Variants in IGF1R observed in about 807,000 individuals in gnomAD.
IGF1R encodes the protein insulin like growth factor 1 receptor, also known as insulin-like growth factor 1 receptor.
IGF1R carries 44 observed loss-of-function variants against 144.6 expected under a neutral mutation model. The ratio of observed to expected loss-of-function variants is 0.30; its 90% CI spans 0.24 to 0.39. The LOEUF (loss-of-function observed/expected upper bound fraction) is 0.39, where lower values mean the gene tolerates loss of function less well. Ranked by LOEUF, IGF1R falls within the 10% of genes least tolerant of loss-of-function variation. The pLI is 1.00. For synonymous variants in IGF1R, 795 were observed against 722.8 expected, an observed-to-expected ratio of 1.10 and a Z score of -1.60; for missense variants, 1,355 against 1,833.7, an observed-to-expected ratio of 0.74 and a Z score of 4.77.
intron 18 of IGF1R, among the ~76,000 whole-genome samples, chr15:98,939,660 T>G (rs988810070): frequency 6.6e-6 from 1 of 152,244 alleles, no homozygotes; most frequent in African/African-American, 2.4e-5. Flanking sequence ...CAGAAATAAT[T>G]AAGACAATGT....
At chr15:98,897,711 G>A (rs1423306841) in intron 4 of IGF1R, among the ~76,000 whole-genome samples, 3 of 152,134 alleles carry the variant, frequency 2.0e-5, no homozygotes, top group Admixed American at 6.5e-5. Context: ...ACGTTGCTGG[G>A]ACCACAGGCA....
At chr15:98,940,016 G>C (rs1010471030) in intron 18 of IGF1R, among the ~76,000 whole-genome samples, 1 of 151,996 alleles carries the variant, frequency 6.6e-6, no homozygotes, top group African/African-American at 2.4e-5. Flanking sequence ...TGTCACACCA[G>C]AAAAAAGGGT....
chr15:98,677,833 TG>T (rs1274413604), intron 1 of IGF1R, among the ~76,000 whole-genome samples: 2 of 152,036 alleles, frequency 1.3e-5, no homozygotes, highest in African/African-American at 2.4e-5. Flanking sequence ...GGCTAGAAGG[TG>T]GGAGATGAAT....
chr15:98,659,318 C>T (rs578174707), intron 1 of IGF1R, among the ~76,000 whole-genome samples: 1 of 152,190 alleles, frequency 6.6e-6, no homozygotes, highest in South Asian at 2.1e-4. Flanking sequence ...CACTTTCTCC[C>T]TTAATATTGT....
chr15:98,815,378 GT>G (rs1208072188), intron 2 of IGF1R, among the ~76,000 whole-genome samples: 1 of 152,234 alleles, frequency 6.6e-6, no homozygotes, highest in African/African-American at 2.4e-5. Flanking sequence ...CAGTGAAGTT[GT>G]TGAAGAAGTG....
Position 98,907,266 on chromosome 15 carries a change from A to G in IGF1R, c.1248-1419A>G, listed in dbSNP as rs138629445. Among the ~76,000 whole-genome samples the G allele has an allele frequency of 2.8e-3, 432 of 152,286 alleles. 4 individuals are homozygous for G. Among genetic ancestry groups the G allele is most frequent in the African/African-American group, 9.8e-3 (409 of 41,546 alleles). On this transcript the variant is annotated intron_variant, in intron 5 of 20. Coordinates refer to ENST00000650285, the MANE Select transcript of IGF1R (RefSeq NM_000875.5). ...TAACCATAATTTGTGCTTTACTGTA[A>G]ATGAGAATCAGGCTGAGGATTGACC...
intron 1 of IGF1R, among the ~76,000 whole-genome samples, chr15:98,695,285 C>T (rs2053570778): frequency 1.3e-5 from 2 of 152,154 alleles, no homozygotes; most frequent in African/African-American, 4.8e-5. Flanking sequence ...GTGTTGCCCT[C>T]CTTTGACGGG....
At chr15:98,674,077 G>A (rs916186524) in intron 1 of IGF1R, among the ~76,000 whole-genome samples, 3 of 152,118 alleles carry the variant, frequency 2.0e-5, no homozygotes, top group Non-Finnish European at 4.4e-5. Context: ...TAGAGAATCT[G>A]TGTCTTTAAA....
chr15:98,727,753 A>G (rs2054395843), intron 2 of IGF1R, among the ~76,000 whole-genome samples: 1 of 152,134 alleles, frequency 6.6e-6, no homozygotes, highest in Admixed American at 6.5e-5. Flanking sequence ...GGGTGGGTCC[A>G]GCACCCGCTG....
intron 3 of IGF1R, among the ~76,000 whole-genome samples, chr15:98,895,416 T>A (rs533748682): frequency 0.033 from 2,772 of 84,558 alleles, 87 homozygotes; most frequent in African/African-American, 0.1. Flanking sequence ...AAAATAAAAT[T>A]TTTTTTTTTA....
chr15:98,656,767 C>T (rs191009771), intron 1 of IGF1R, among the ~76,000 whole-genome samples: 171 of 152,292 alleles, frequency 1.1e-3, no homozygotes, highest in Middle Eastern at 0.01. Context: ...TTACATAATA[C>T]GAATGCCGTT....
chr15:98,699,193 T>C (rs527309778), intron 1 of IGF1R, among the ~76,000 whole-genome samples: 2 of 152,334 alleles, frequency 1.3e-5, no homozygotes, highest in East Asian at 3.9e-4. Flanking sequence ...ATCCACTGGC[T>C]CTACAGTCTG....
At chr15:98,732,223 G>T (rs753837203) in intron 2 of IGF1R, among the ~76,000 whole-genome samples, 4 of 152,166 alleles carry the variant, frequency 2.6e-5, no homozygotes, top group Non-Finnish European at 5.9e-5. Flanking sequence ...GGTGTGGAGG[G>T]GGCAGGGGAA....
intron 2 of IGF1R, among the ~76,000 whole-genome samples, chr15:98,795,431 T>G (rs546181349): frequency 4.1e-4 from 63 of 152,186 alleles, no homozygotes; most frequent in African/African-American, 1.5e-3. Context: ...TTGTTTTGTT[T>G]TGAGATGGAG....
At chr15:98,923,120 T>C (rs45626743) in intron 11 of IGF1R, among the ~76,000 whole-genome samples, 1 of 152,208 alleles carries the variant, frequency 6.6e-6, no homozygotes, top group East Asian at 1.9e-4. Context: ...CTCAGTTTCC[T>C]TAGCCCTCCT....
intron 2 of IGF1R, among the ~76,000 whole-genome samples, chr15:98,724,392 C>A (rs1415917031): frequency 6.6e-6 from 1 of 152,148 alleles, no homozygotes; most frequent in Non-Finnish European, 1.5e-5. Flanking sequence ...CTGTGGCTTT[C>A]TGGCACAGAC....
rs1207387639 is a variant in IGF1R at position 98,959,859 on chromosome 15, A to G, written c.*2417A>G. The G allele has an allele frequency of 4.3e-6, 1 of 233,054 alleles. No homozygotes were observed. 14.4% of individuals were successfully genotyped at this position (233,054 alleles called of 1,614,324 possible). On this transcript the variant is annotated 3_prime_UTR_variant, in exon 21 of 21. Transcript: ENST00000650285. ...ATCCCATAGCGTGTTCCCTTTAAAA[A>G]AAAAAAAAAGGTATTATATGTAGGA...
In IGF1R at chr15:98,922,161, C is replaced by A. The variant is rs145300307; in HGVS notation, c.2215C>A (p.Arg739=). 8.7e-6 allele frequency: 14 copies of A among 1,614,040 alleles called. No individual in the cohort carries two copies. Among genetic ancestry groups the A allele is most frequent in the African/African-American group, 1.3e-5 (1 of 74,910 alleles). ...SIFVPRPERK[R]RDVMQVANTT... ...TCCTCCTTGCAGACCTGAAAGGAAGCGGAGAGATGTCATGCAAGTGGCCAA... is the reference window on the plus strand; with the variant it reads ...TCCTCCTTGCAGACCTGAAAGGAAGAGGAGAGATGTCATGCAAGTGGCCAA... The change falls in exon 11 of 21, where the codon CGG becomes AGG. Residue 739 remains arginine (R), a synonymous_variant. Transcript: ENST00000650285.
At chr15:98,855,052 A>AT (rs1251268767) in intron 2 of IGF1R, among the ~76,000 whole-genome samples, 4 of 152,106 alleles carry the variant, frequency 2.6e-5, no homozygotes, top group Admixed American at 2.6e-4. Context: ...GCCCCTGCGC[A>AT]TCCCACTGTA....
Sources: gnomAD v4.1 joint callset for allele counts (sites outside exome capture counted in the v4.1 genomes callset) on GRCh38, gnomAD v4.1.1 for gene constraint, MANE v1.5 for transcripts, NCBI Gene and HGNC (gene_info 2026-07-23, HGNC 2026-07-21) for gene names.